Variants in CTNNA2 observed in about 807,000 individuals in gnomAD.
The protein encoded by CTNNA2 is catenin alpha 2, also known as catenin alpha-2.
CTNNA2 carries 42 observed loss-of-function variants against 101.0 expected under a neutral mutation model. The ratio of observed to expected loss-of-function variants is 0.42; its 90% confidence interval spans 0.32 to 0.54. The LOEUF is 0.54. Among genes scored for constraint, CTNNA2 ranks in the 20% least tolerant of loss-of-function variants. The pLI is 0.14. For synonymous variants in CTNNA2, 450 were observed against 456.4 expected (o/e 0.99, Z 0.18); for missense variants, 871 against 1,223.1 (o/e 0.71, Z 4.29).
intron 7 of CTNNA2, among the ~76,000 whole-genome samples, chr2:79,939,557 G>C (rs1688006580): frequency 6.6e-6 from 1 of 151,848 alleles, no homozygotes; most frequent in Non-Finnish European, 1.5e-5. Flanking sequence ...TTTCCTTTGG[G>C]AATTTTATTT....
chr2:79,795,875 T>G (rs1157391953), intron 3 of CTNNA2, among the ~76,000 whole-genome samples: 7 of 152,236 alleles, frequency 4.6e-5, no homozygotes, highest in Admixed American at 2.0e-4. Context: ...CAAATCTCCT[T>G]GTCCTCGGGT....
chr2:79,214,542 C>A (rs913085704), intron 2 of CTNNA2, among the ~76,000 whole-genome samples: 1 of 151,968 alleles, frequency 6.6e-6, no homozygotes, highest in Non-Finnish European at 1.5e-5. Flanking sequence ...CCTTTTAAAG[C>A]GTGCTATGGG....
At chr2:79,463,615 C>A (rs1341546913) in intron 4 of CTNNA2, among the ~76,000 whole-genome samples, 3 of 151,984 alleles carry the variant, frequency 2.0e-5, no homozygotes, top group Non-Finnish European at 4.4e-5. Flanking sequence ...CTTGGCTCAA[C>A]AATGTTGTAG....
chr2:79,274,866 A>G (rs540174375), intron 2 of CTNNA2, among the ~76,000 whole-genome samples: 2 of 152,210 alleles, frequency 1.3e-5, no homozygotes, highest in Middle Eastern at 3.4e-3. Flanking sequence ...ATTGTGAAAT[A>G]GATCATTCTT....
chr2:80,572,661 CAA>C (rs1364105108), intron 12 of CTNNA2: 1 of 152,146 alleles, frequency 6.6e-6, no homozygotes, highest in Non-Finnish European at 1.5e-5. Flanking sequence ...ACGAATAACT[CAA>C]ATAGTCTGAG....
At chr2:79,461,799 T>C (rs1670882619) in intron 4 of CTNNA2, among the ~76,000 whole-genome samples, 2 of 151,868 alleles carry the variant, frequency 1.3e-5, no homozygotes, top group Admixed American at 1.3e-4. Flanking sequence ...AAATCAGCAA[T>C]ATAAAGGTAA....
At chr2:79,778,254 G>A (rs1674138978) in intron 3 of CTNNA2, among the ~76,000 whole-genome samples, 1 of 117,166 alleles carries the variant, frequency 8.5e-6, no homozygotes, top group Admixed American at 7.8e-5. Flanking sequence ...GCTGAGGCAG[G>A]AGAATGGCTT....
chr2:79,616,815 C>T (rs1034312390), intron 1 of CTNNA2, among the ~76,000 whole-genome samples: 3 of 152,040 alleles, frequency 2.0e-5, no homozygotes, highest in African/African-American at 7.2e-5. Flanking sequence ...GGTTATTTCC[C>T]CTATACAATT....
At chr2:80,347,778 C>G (rs556142399) in intron 7 of CTNNA2, among the ~76,000 whole-genome samples, 1 of 151,338 alleles carries the variant, frequency 6.6e-6, no homozygotes, top group Admixed American at 6.6e-5. Context: ...ACCTCAGGAT[C>G]TTTATTTTAA....
chr2:79,989,586 T>C lies in CTNNA2; in HGVS notation c.1056+79789T>C, dbSNP rs541614164. Among the ~76,000 whole-genome samples the C allele has an allele frequency of 3.1e-3, 471 of 152,230 alleles. 1 individual carries two copies. Among genetic ancestry groups the C allele is most frequent in the African/African-American group, 0.01 (436 of 41,538 alleles). On this transcript the variant is annotated intron_variant, in intron 7 of 18. Transcript: ENST00000402739. ...AGGAGGTCAAGGCTGCAGTGTACCA[T>C]GATCACACCACTGCACTCCAGCCTG...
chr2:80,219,593 A>G (rs1429993363), intron 7 of CTNNA2, among the ~76,000 whole-genome samples: 3 of 152,132 alleles, frequency 2.0e-5, no homozygotes, highest in Non-Finnish European at 4.4e-5. Context: ...CCATTCACCT[A>G]TCTTCTCTGT....
chr2:79,597,025 A>G (rs1462403716), intron 1 of CTNNA2, among the ~76,000 whole-genome samples: 1 of 152,186 alleles, frequency 6.6e-6, no homozygotes, highest in Non-Finnish European at 1.5e-5. Context: ...AGCTGCACAG[A>G]ACTTCCACTG....
At chr2:79,714,488 C>G (rs1316746266) in intron 2 of CTNNA2, among the ~76,000 whole-genome samples, 1 of 152,110 alleles carries the variant, frequency 6.6e-6, no homozygotes, top group African/African-American at 2.4e-5. Flanking sequence ...ATTATGCTGG[C>G]TCAACCTAAG....
chr2:80,023,642 G>A (rs1234998545), intron 7 of CTNNA2, among the ~76,000 whole-genome samples: 1 of 152,088 alleles, frequency 6.6e-6, no homozygotes, highest in Non-Finnish European at 1.5e-5. Context: ...ACTCTTTATG[G>A]TATGGCAACA....
At chr2:79,703,004 A>T (rs146554033) in intron 2 of CTNNA2, among the ~76,000 whole-genome samples, 168 of 152,258 alleles carry the variant, frequency 1.1e-3, no homozygotes, top group African/African-American at 3.7e-3. Flanking sequence ...ACCCTTAGAG[A>T]AAACACTCCA....
intron 7 of CTNNA2, among the ~76,000 whole-genome samples, chr2:80,274,244 G>T (rs995482652): frequency 1.3e-5 from 2 of 152,166 alleles, no homozygotes; most frequent in Non-Finnish European, 2.9e-5. Context: ...TTGGTTGTCT[G>T]AAGACGTATT....
chr2:80,274,667 C>T (rs1182729586), intron 7 of CTNNA2, among the ~76,000 whole-genome samples: 1 of 152,160 alleles, frequency 6.6e-6, no homozygotes, highest in Non-Finnish European at 1.5e-5. Flanking sequence ...TTTTCCCATG[C>T]TTGTTTTCCT....
At chr2:80,457,125 G>T (rs1421829557) in intron 9 of CTNNA2, among the ~76,000 whole-genome samples, 1 of 151,816 alleles carries the variant, frequency 6.6e-6, no homozygotes, top group Non-Finnish European at 1.5e-5. Context: ...CACCCAGGCG[G>T]TGATCTCGAC....
At chr2:79,477,841 T>C (rs1194585541) in intron 4 of CTNNA2, among the ~76,000 whole-genome samples, 3 of 152,216 alleles carry the variant, frequency 2.0e-5, no homozygotes, top group Non-Finnish European at 2.9e-5. Flanking sequence ...GCCCAACTGG[T>C]GGGATGCAAT....
Sources: gnomAD v4.1 joint callset for allele counts (sites outside exome capture counted in the v4.1 genomes callset) on GRCh38, gnomAD v4.1.1 for gene constraint, MANE v1.5 for transcripts, NCBI Gene and HGNC (gene_info 2026-07-23, HGNC 2026-07-21) for gene names.